The following ESR1 variants were observed in gnomAD, a reference collection of about 807,000 sequenced individuals.
The protein encoded by ESR1 is estrogen receptor 1.
ESR1 carries 12 observed loss-of-function variants against 52.7 expected under a neutral mutation model. That is an observed-to-expected ratio of 0.23 (90% CI 0.15 to 0.37). ESR1 has a LOEUF of 0.37. Ranked by LOEUF, ESR1 falls within the 10% of genes least tolerant of loss-of-function variation. ESR1 has a pLI of 1.00. For synonymous variants in ESR1, 305 were observed against 316.8 expected (o/e 0.96, Z 0.39); for missense variants, 584 against 779.7 (o/e 0.75, Z 2.99).
intron 6 of ESR1, among the ~76,000 whole-genome samples, chr6:152,109,244 G>C (rs1381404994): frequency 2.6e-5 from 4 of 152,162 alleles, no homozygotes; most frequent in African/African-American, 9.7e-5. Flanking sequence ...TTTGACATGA[G>C]ATTTGACGAG....
At chr6:151,722,156 C>A (rs769302423) in intron 2 of ESR1, among the ~76,000 whole-genome samples, 34 of 152,152 alleles carry the variant, frequency 2.2e-4, no homozygotes, top group African/African-American at 8.0e-4. Context: ...AGCCCCTGAA[C>A]GAGGGATCAG....
intron 5 of ESR1, among the ~76,000 whole-genome samples, chr6:152,022,345 A>C (rs941602274): frequency 6.6e-6 from 1 of 152,104 alleles, no homozygotes; most frequent in African/African-American, 2.4e-5. Flanking sequence ...ATGTTGAGCA[A>C]CTCCGAGGAG....
rs141508452 is a variant in ESR1 at position 152,012,017 on chromosome 6, T to TACAC, written c.1235+250_1235+253dup. ...CTCAGAAGAATTCTATTATTTCTAA[T>TACAC]ACACACACACACACACACACACACA... On this transcript the variant is annotated intron_variant, in intron 5 of 7. Transcript: ENST00000206249. Among the ~76,000 whole-genome samples the TACAC allele has an allele frequency of 0.05, 7,114 of 141,674 alleles. 181 individuals are homozygous for TACAC. Among genetic ancestry groups the TACAC allele is most frequent in the Non-Finnish European group, 0.056 (3,673 of 65,080 alleles). 92.9% of individuals were successfully genotyped at this position (141,674 alleles called of 152,430 possible).
chr6:151,693,000 G>A lies in ESR1; in HGVS notation c.-202+2336G>A, dbSNP rs140519268. On this transcript the variant is annotated intron_variant, in intron 1 of 2. Transcript: ENST00000404742. Reference sequence around the variant, plus strand: ...TAATTCAGATCCATGGAAAATGACTGAGTACCAGCCATAGCTCCCACCACT... The same window carrying A: ...TAATTCAGATCCATGGAAAATGACTAAGTACCAGCCATAGCTCCCACCACT... Among the ~76,000 whole-genome samples the A allele has an allele frequency of 2.9e-4, 44 of 152,286 alleles. 1 individual carries two copies. The highest frequency in any genetic ancestry group is 1.0e-3 in the African/African-American group (42 of 41,544).
chr6:151,902,948 C>T (rs1180858064), intron 3 of ESR1, among the ~76,000 whole-genome samples: 1 of 152,112 alleles, frequency 6.6e-6, no homozygotes, highest in Non-Finnish European at 1.5e-5. Flanking sequence ...AAATGCAGTA[C>T]CTTGCCCTGA....
chr6:152,012,354 T>C (rs2042849851), intron 5 of ESR1, among the ~76,000 whole-genome samples: 1 of 151,976 alleles, frequency 6.6e-6, no homozygotes, highest in East Asian at 1.9e-4. Context: ...CATTGTTTTT[T>C]TTTTTTCAGT....
chr6:151,687,591 T>C (rs2115327655), upstream of ESR1, among the ~76,000 whole-genome samples: 1 of 152,298 alleles, frequency 6.6e-6, no homozygotes. Flanking sequence ...TATTTTAGCC[T>C]GAATCACCCA....
At chr6:151,764,837 TA>T (rs1356361719) in intron 2 of ESR1, among the ~76,000 whole-genome samples, 3 of 152,224 alleles carry the variant, frequency 2.0e-5, no homozygotes, top group Non-Finnish European at 2.9e-5. Flanking sequence ...ACGACATTTG[TA>T]AATCTAGCAC....
intron 3 of ESR1, among the ~76,000 whole-genome samples, chr6:151,922,558 G>A (rs1455259872): frequency 6.6e-6 from 1 of 152,136 alleles, no homozygotes. Flanking sequence ...AGATTTTTCA[G>A]TTGGCTCCTG....
intron 5 of ESR1, among the ~76,000 whole-genome samples, chr6:152,028,340 G>A (rs1213859929): frequency 6.6e-6 from 1 of 152,292 alleles, no homozygotes; most frequent in South Asian, 2.1e-4. Context: ...CCGAAGCAGA[G>A]CGAGGCATCG....
chr6:152,069,522 C>G (rs1407257052), intron 6 of ESR1, among the ~76,000 whole-genome samples: 1 of 136,246 alleles, frequency 7.3e-6, no homozygotes, highest in Admixed American at 6.8e-5. Context: ...CAGCGGTCCC[C>G]AACCTTTTTG....
chr6:151,789,996 CT>C (rs1787377800), intron 2 of ESR1, among the ~76,000 whole-genome samples: 1 of 152,172 alleles, frequency 6.6e-6, no homozygotes, highest in South Asian at 2.1e-4. Flanking sequence ...GCTGCCCCCC[CT>C]CACTCAGGGC....
chr6:151,990,960 AAAG>A (rs530836839), intron 4 of ESR1, among the ~76,000 whole-genome samples: 350 of 152,310 alleles, frequency 2.3e-3, no homozygotes, highest in Non-Finnish European at 4.1e-3. Flanking sequence ...GAAAAATGAC[AAAG>A]AAGAATTAAG....
At chr6:151,786,024 C>T (rs1244811623) in intron 2 of ESR1, among the ~76,000 whole-genome samples, 1 of 152,284 alleles carries the variant, frequency 6.6e-6, no homozygotes, top group African/African-American at 2.4e-5. Context: ...GTAAGCGTCA[C>T]CATTCAGGTG....
chr6:151,777,767 G>A (rs887796341), intron 2 of ESR1, among the ~76,000 whole-genome samples: 7 of 152,000 alleles, frequency 4.6e-5, no homozygotes, highest in East Asian at 3.9e-4. Context: ...CGAGACCAGC[G>A]TGGCCAACAT....
chr6:152,126,186 T>C (rs2747655), exon 7 of ESR1: 125,050 of 152,120 alleles, frequency 0.82, 51,835 homozygotes, highest in African/African-American at 0.92. Context: ...ATTCAGTGAC[T>C]GTCCGTGCAG....
In ESR1 at chr6:151,850,080, T is replaced by TAA. The variant is rs1554268239; in HGVS notation, c.643+7293_643+7294insAA. On this transcript the variant is annotated intron_variant, in intron 2 of 7. Transcript: ENST00000206249. ...TATAATTTTATATATATATAAAAAA[T>TAA]TATATATATATAATTTTATATATAT... 1.1e-3 allele frequency among the ~76,000 whole-genome samples: 54 copies of TAA among 48,378 alleles called. 1 individual carries two copies. Among genetic ancestry groups the TAA allele is most frequent in the African/African-American group, 2.5e-3 (28 of 11,144 alleles). 31.7% of individuals were successfully genotyped at this position (48,378 alleles called of 152,430 possible).
chr6:151,994,339 TG>T (rs1363785969), intron 4 of ESR1, among the ~76,000 whole-genome samples: 39 of 152,318 alleles, frequency 2.6e-4, no homozygotes, highest in Non-Finnish European at 4.4e-4. Context: ...AAAACATTAA[TG>T]CTGGCTCTTT....
intron 2 of ESR1, among the ~76,000 whole-genome samples, chr6:151,760,097 G>T (rs888695496): frequency 5.3e-5 from 8 of 152,154 alleles, no homozygotes; most frequent in African/African-American, 1.9e-4. Flanking sequence ...TCTAGGGAAG[G>T]TTGGCTCAAT....
Sources: gnomAD v4.1 joint callset for allele counts (sites outside exome capture counted in the v4.1 genomes callset) on GRCh38, gnomAD v4.1.1 for gene constraint, MANE v1.5 for transcripts, NCBI Gene and HGNC (gene_info 2026-07-23, HGNC 2026-07-21) for gene names.